Variants in CACNA2D1 observed in about 807,000 individuals in gnomAD.
CACNA2D1 encodes calcium voltage-gated channel auxiliary subunit alpha2delta 1.
CACNA2D1 carries 53 observed loss-of-function variants against 171.5 expected under a neutral mutation model. The observed-to-expected ratio is 0.31, with a 90% CI of 0.25 to 0.39. The LOEUF is 0.39. Among genes scored for constraint, CACNA2D1 ranks in the 10% least tolerant of loss-of-function variants. The pLI, the probability that CACNA2D1 is intolerant of heterozygous loss-of-function variation, is 1.00. For synonymous variants in CACNA2D1, 442 were observed against 443.1 expected, an observed-to-expected ratio of 1.00 and a Z score of 0.03; for missense variants, 903 against 1,299.8, an observed-to-expected ratio of 0.69 and a Z score of 4.69.
rs563811312 is a variant in CACNA2D1 at position 82,313,150 on chromosome 7, TTTC to T, written c.294+21982_294+21984del. 9.9e-5 allele frequency among the ~76,000 whole-genome samples: 15 copies of T among 152,234 alleles called. No homozygotes were observed. In the South Asian group the frequency reaches 2.7e-3, roughly 27 times the overall value. On this transcript the variant is annotated intron_variant, in intron 3 of 38. Transcript: ENST00000356860. ...GCTAGGTTTTCCAATCTACCTATTT[TTTC>T]TTCTTCTTTGTCAATCTATCTCACA... is the stretch of plus-strand genomic sequence containing the variant.
chr7:82,241,712 G>T (rs1305027798), intron 3 of CACNA2D1, among the ~76,000 whole-genome samples: 2 of 151,742 alleles, frequency 1.3e-5, no homozygotes, highest in East Asian at 1.9e-4. Flanking sequence ...AGGGAGGGGG[G>T]AATTAGGTCA....
intron 7 of CACNA2D1, among the ~76,000 whole-genome samples, chr7:82,067,697 T>G (rs888221127): frequency 2.6e-5 from 4 of 152,186 alleles, no homozygotes; most frequent in Admixed American, 1.3e-4. Context: ...TTGCAGAAAG[T>G]GAGAGTCTGC....
intron 3 of CACNA2D1, among the ~76,000 whole-genome samples, chr7:82,245,787 A>C (rs1325220717): frequency 6.6e-6 from 1 of 152,098 alleles, no homozygotes; most frequent in Non-Finnish European, 1.5e-5. Flanking sequence ...TTAAAGATAC[A>C]TGTATGTTAT....
At position 81,950,278 on chromosome 7, in the gene CACNA2D1, C is replaced by T. The variant is rs1334156302; in HGVS notation, c.*114G>A. On this transcript the variant is annotated 3_prime_UTR_variant, in exon 39 of 39. Transcript: ENST00000356860. ...CCTTAGTGTTATGCCATGGAACAGG[C>T]CCAGCTAATGTTTGTCTGATTTTAT... 5.7e-6 allele frequency: 9 copies of T among 1,592,140 alleles called. No homozygotes were observed. The highest frequency in any genetic ancestry group is 4.3e-6 in the Non-Finnish European group (5 of 1,165,082).
chr7:82,184,574 T>A (rs2129174940), intron 3 of CACNA2D1, among the ~76,000 whole-genome samples: 1 of 152,256 alleles, frequency 6.6e-6, no homozygotes, highest in Admixed American at 6.5e-5. Context: ...TTTCAATAAT[T>A]CTCATACTAT....
At chr7:82,131,822 A>G (rs781482655) in intron 5 of CACNA2D1, among the ~76,000 whole-genome samples, 8 of 152,346 alleles carry the variant, frequency 5.3e-5, no homozygotes, top group African/African-American at 9.6e-5. Context: ...AAACAAAAAC[A>G]ATGTGATGAT....
At chr7:82,057,459 G>T (rs529198709) in intron 10 of CACNA2D1, among the ~76,000 whole-genome samples, 9 of 152,150 alleles carry the variant, frequency 5.9e-5, no homozygotes, top group Admixed American at 5.2e-4. Flanking sequence ...GGGGAAAGGG[G>T]CAGGTAATGC....
chr7:82,183,201 T>C (rs1797330262), intron 3 of CACNA2D1, among the ~76,000 whole-genome samples: 1 of 152,172 alleles, frequency 6.6e-6, no homozygotes. Context: ...GTGTTTATCA[T>C]TATATTGACC....
At chr7:82,378,938 CGTGT>C (rs533854397) in intron 1 of CACNA2D1, among the ~76,000 whole-genome samples, 13,408 of 138,926 alleles carry the variant, frequency 0.097, 719 homozygotes, top group Non-Finnish European at 0.11. Context: ...GGGGTTGACT[CGTGT>C]GTGTGTGTGT....
At chr7:82,378,334 G>A (rs1225092566) in intron 1 of CACNA2D1, among the ~76,000 whole-genome samples, 1 of 152,194 alleles carries the variant, frequency 6.6e-6, no homozygotes, top group Non-Finnish European at 1.5e-5. Context: ...AGGAAGTCCA[G>A]ATTGCAGTGA....
Position 81,982,847 on chromosome 7 carries a change from C to A in CACNA2D1, c.1895-220G>T, listed in dbSNP as rs1796579354. 6 of 605,310 alleles carry A rather than the reference C, an allele frequency of 9.9e-6. No individual in the cohort carries two copies. In the Admixed American group the frequency reaches 1.7e-4, roughly 17 times the overall value. The allele number at this position is 605,310 out of a possible 1,614,324, so 37.5% of individuals were successfully genotyped here. A position where few individuals can be genotyped will look rare whatever the true frequency, so the allele number is the denominator to read the frequency against. On this transcript the variant is annotated intron_variant, in intron 23 of 38. Transcript: ENST00000356860. ...ATTAACTTCATAACATGGATCCCCA[C>A]AGTTATTTCAAAGAAAATGCTATGT...
chr7:82,122,122 A>C (rs1224194072), intron 5 of CACNA2D1, among the ~76,000 whole-genome samples: 1 of 152,162 alleles, frequency 6.6e-6, no homozygotes, highest in Non-Finnish European at 1.5e-5. Flanking sequence ...GAAAAGTGAA[A>C]TCACAAAGCA....
intron 3 of CACNA2D1, among the ~76,000 whole-genome samples, chr7:82,172,835 G>T (rs985700185): frequency 7.3e-6 from 1 of 137,306 alleles, no homozygotes; most frequent in African/African-American, 3.2e-5. Context: ...TTACATGTAT[G>T]GGCAAAAAAA....
intron 38 of CACNA2D1, among the ~76,000 whole-genome samples, chr7:81,954,230 T>TATTTAAGTAGAAAA: frequency 6.6e-6 from 1 of 152,190 alleles, no homozygotes; most frequent in South Asian, 2.1e-4. Context: ...TTTAAATGAT[T>TATTTAAGTAGAAAA]ATTTAAGTAG....
intron 13 of CACNA2D1, among the ~76,000 whole-genome samples, chr7:82,014,154 A>G (rs1034485659): frequency 9.9e-5 from 15 of 152,142 alleles, no homozygotes; most frequent in Non-Finnish European, 2.2e-4. Context: ...ATCATTCAGT[A>G]TAATTCAGTG....
intron 3 of CACNA2D1, among the ~76,000 whole-genome samples, chr7:82,233,813 A>G (rs1469378538): frequency 6.6e-6 from 1 of 152,126 alleles, no homozygotes; most frequent in Non-Finnish European, 1.5e-5. Flanking sequence ...TCATATTTTA[A>G]GTCAAAAGAT....
chr7:82,295,743 G>A (rs1164257789), intron 3 of CACNA2D1, among the ~76,000 whole-genome samples: 1 of 151,888 alleles, frequency 6.6e-6, no homozygotes, highest in Non-Finnish European at 1.5e-5. Flanking sequence ...TGAGGATACT[G>A]GGTTAACATG....
At chr7:82,200,411 T>C (rs1457065879) in intron 3 of CACNA2D1, among the ~76,000 whole-genome samples, 4 of 152,098 alleles carry the variant, frequency 2.6e-5, no homozygotes, top group Non-Finnish European at 5.9e-5. Context: ...TTCTCTATTG[T>C]CTTTTCAGTA....
At chr7:82,120,047 G>C (rs950570014) in intron 5 of CACNA2D1, among the ~76,000 whole-genome samples, 2 of 152,118 alleles carry the variant, frequency 1.3e-5, no homozygotes, top group Non-Finnish European at 2.9e-5. Flanking sequence ...GCCTGGCATC[G>C]TGGTATGTTC....
Sources: gnomAD v4.1 joint callset for allele counts (sites outside exome capture counted in the v4.1 genomes callset) on GRCh38, gnomAD v4.1.1 for gene constraint, MANE v1.5 for transcripts, NCBI Gene and HGNC (gene_info 2026-07-23, HGNC 2026-07-21) for gene names.